THADA: variants seen among roughly 807,000 people sequenced by gnomAD.
The protein encoded by THADA is THADA armadillo repeat containing, also known as tRNA (32-2'-O)-methyltransferase regulator THADA.
Under a neutral mutation model 219.8 loss-of-function variants are expected in THADA, and 213 were observed. The observed-to-expected ratio is 0.97, with a 90% CI of 0.87 to 1.09. The LOEUF (loss-of-function observed/expected upper bound fraction) is 1.09, where lower values mean the gene tolerates loss of function less well. Among genes scored for constraint, THADA ranks in the 50% least tolerant of loss-of-function variants. THADA has a pLI of 0.00. For missense variants in THADA, 2,956 were observed against 2,311.3 expected, an observed-to-expected ratio of 1.28 and a Z score of -5.72; for synonymous variants, 1,018 against 828.9, an observed-to-expected ratio of 1.23 and a Z score of -3.92.
At chr2:43,318,681 C>T (rs1678353122) in intron 31 of THADA, among the ~76,000 whole-genome samples, 1 of 152,122 alleles carries the variant, frequency 6.6e-6, no homozygotes. Flanking sequence ...TGTAGAGTAA[C>T]ATCTTTAAGA....
At chr2:43,289,989 T>G (rs1348846980) in intron 34 of THADA, among the ~76,000 whole-genome samples, 28 of 149,516 alleles carry the variant, frequency 1.9e-4, no homozygotes, top group African/African-American at 6.9e-4. Flanking sequence ...TTTTTTTTTT[T>G]TTTTGAGACA....
At chr2:43,441,677 T>C (rs1364459798) in intron 26 of THADA, among the ~76,000 whole-genome samples, 1 of 152,178 alleles carries the variant, frequency 6.6e-6, no homozygotes, top group African/African-American at 2.4e-5. Context: ...AATCACCATT[T>C]ATAATAGTGT....
intron 28 of THADA, among the ~76,000 whole-genome samples, chr2:43,402,201 C>T (rs1573476532): frequency 6.6e-6 from 1 of 152,250 alleles, no homozygotes; most frequent in Non-Finnish European, 1.5e-5. Context: ...TGTGACACAG[C>T]AGTGAAGAAC....
intron 31 of THADA, among the ~76,000 whole-genome samples, chr2:43,304,348 A>AG (rs1445941145): frequency 6.6e-6 from 1 of 152,216 alleles, no homozygotes; most frequent in East Asian, 1.9e-4. Flanking sequence ...CCATGAAGGC[A>AG]GAAGGATCCT....
At chr2:43,262,496 C>T (rs1478972833) in intron 36 of THADA, among the ~76,000 whole-genome samples, 3 of 152,162 alleles carry the variant, frequency 2.0e-5, no homozygotes, top group Non-Finnish European at 4.4e-5. Context: ...ATGGAATGGA[C>T]TGCAGTCACT....
At chr2:43,567,028 T>C (rs527464087) in intron 14 of THADA, among the ~76,000 whole-genome samples, 3 of 152,178 alleles carry the variant, frequency 2.0e-5, no homozygotes, top group South Asian at 4.2e-4. Context: ...ATAAACCCTA[T>C]ATTTGCAGAG....
chr2:43,338,511 C>T (rs1240092418), intron 30 of THADA, among the ~76,000 whole-genome samples: 1 of 152,088 alleles, frequency 6.6e-6, no homozygotes, highest in Admixed American at 6.5e-5. Context: ...TAAACAATGC[C>T]CCATTTCCTC....
chr2:43,313,832 T>G (rs1677778002), intron 31 of THADA, among the ~76,000 whole-genome samples: 1 of 152,228 alleles, frequency 6.6e-6, no homozygotes, highest in African/African-American at 2.4e-5. Context: ...TGACTGATGT[T>G]TCCTGACTCT....
chr2:43,355,163 T>C (rs1291807418), intron 29 of THADA, among the ~76,000 whole-genome samples: 1 of 152,212 alleles, frequency 6.6e-6, no homozygotes, highest in African/African-American at 2.4e-5. Context: ...TGATTCTAAA[T>C]CTTGGATATT....
intron 30 of THADA, among the ~76,000 whole-genome samples, chr2:43,341,194 G>A (rs1004641768): frequency 1.6e-4 from 25 of 152,136 alleles, no homozygotes; most frequent in African/African-American, 5.3e-4. Context: ...CCCACAAAGC[G>A]GAAAGTTCAC....
At chr2:43,253,112 T>C (rs909786251) in intron 36 of THADA, among the ~76,000 whole-genome samples, 10 of 152,188 alleles carry the variant, frequency 6.6e-5, no homozygotes, top group African/African-American at 1.2e-4. Flanking sequence ...TTTTGAAACA[T>C]TGGCTTGAAG....
chr2:43,235,164 G>C (rs1667888595), intron 36 of THADA, among the ~76,000 whole-genome samples: 1 of 151,582 alleles, frequency 6.6e-6, no homozygotes. Flanking sequence ...ATTTTTAGTA[G>C]AGATGGGGTT....
At chr2:43,241,725 G>A (rs755383490) in intron 36 of THADA, among the ~76,000 whole-genome samples, 7 of 152,012 alleles carry the variant, frequency 4.6e-5, no homozygotes, top group Non-Finnish European at 7.4e-5. Flanking sequence ...CGGTGGCCAC[G>A]CCTACAGAAG....
chr2:43,546,231 G>C (rs995116590), intron 20 of THADA, among the ~76,000 whole-genome samples: 2 of 152,030 alleles, frequency 1.3e-5, no homozygotes, highest in Non-Finnish European at 2.9e-5. Flanking sequence ...TGTGGTCTGA[G>C]AGACAGTTTG....
chr2:43,289,949 C>T (rs114510001), intron 34 of THADA, among the ~76,000 whole-genome samples: 9,195 of 148,764 alleles, frequency 0.062, 387 homozygotes, highest in Non-Finnish European at 0.098. Context: ...CTACCGTGCC[C>T]GGCCCTGGTG....
At chr2:43,348,764 G>C (rs1667927549) in intron 29 of THADA, among the ~76,000 whole-genome samples, 1 of 152,204 alleles carries the variant, frequency 6.6e-6, no homozygotes, top group East Asian at 1.9e-4. Flanking sequence ...TCTACAGCAG[G>C]CTTGGGAATG....
chr2:43,357,269 C>CT (rs770810131), intron 29 of THADA, among the ~76,000 whole-genome samples: 482 of 151,346 alleles, frequency 3.2e-3, no homozygotes, highest in Non-Finnish European at 4.3e-3. Context: ...TTGGCACATA[C>CT]TTTTTTTTTA....
Position 43,574,747 on chromosome 2 carries a change from A to G in THADA, c.1318T>C (p.Leu440=). 4 of 1,614,052 alleles carry G rather than the reference A, an allele frequency of 2.5e-6. No homozygotes were observed. Among genetic ancestry groups the G allele is most frequent in the Non-Finnish European group, 3.4e-6 (4 of 1,179,894 alleles). Residue 440 remains leucine (L), a synonymous_variant, in exon 11 of 38, where the codon TTG becomes CTG. Coordinates refer to ENST00000405975, the MANE Select transcript of THADA (RefSeq NM_022065.5). ...TCCAATCGTAAAAGACTCTCAGTCA[A>G]TTCCACAAAGAAAGGATCAGGGACG... is the stretch of plus-strand genomic sequence containing the variant. ...DFVPDPFFVE[L]TESLLRLEWH...
At chr2:43,583,627 A>G (rs573651249) in intron 7 of THADA, among the ~76,000 whole-genome samples, 73 of 152,376 alleles carry the variant, frequency 4.8e-4, no homozygotes, top group Admixed American at 7.8e-4. Context: ...TTATAGCAGC[A>G]TTATTCACAA....
Sources: gnomAD v4.1 joint callset for allele counts (sites outside exome capture counted in the v4.1 genomes callset) on GRCh38, gnomAD v4.1.1 for gene constraint, MANE v1.5 for transcripts, NCBI Gene and HGNC (gene_info 2026-07-23, HGNC 2026-07-21) for gene names.